The following ZNF516 variants were observed in gnomAD, a reference collection of about 807,000 sequenced individuals.
ZNF516 encodes the protein zinc finger protein 516.
Under a neutral mutation model 79.7 loss-of-function variants are expected in ZNF516, and 19 were observed. The ratio of observed to expected loss-of-function variants is 0.24; its 90% CI spans 0.17 to 0.35. The LOEUF (loss-of-function observed/expected upper bound fraction) is 0.35, where lower values mean the gene tolerates loss of function less well. Ranked by LOEUF, ZNF516 falls within the 10% of genes least tolerant of loss-of-function variation. The probability of loss-of-function intolerance (pLI) is 1.00; values close to 1 mark genes in which losing one functional copy is unlikely to be tolerated. For missense variants in ZNF516, 1,678 were observed against 1,679.5 expected, an observed-to-expected ratio of 1.00 and a Z score of 0.02; for synonymous variants, 877 against 739.5, an observed-to-expected ratio of 1.19 and a Z score of -3.02.
rs1362820011 is a variant in ZNF516 at position 76,441,353 on chromosome 18, G to A, written c.1702C>T (p.Pro568Ser). The A allele has an allele frequency of 1.2e-6, 2 of 1,611,420 alleles. No individual in the cohort carries two copies. The highest frequency in any genetic ancestry group is 1.7e-6 in the Non-Finnish European group (2 of 1,179,424). ...GCACAGGCGGAGCCAGGGCTGCTGG[G>A]CTGGGAGGCCGAGTCACCCTCACTG... is the stretch of plus-strand genomic sequence containing the variant. ...SLSEGDSASQPSSPGSACAAA... is the reference protein window; with the variant it reads ...SLSEGDSASQSSSPGSACAAA... Residue 568 changes from proline to serine, a missense_variant, in exon 3 of 7, where the codon CCC becomes TCC. Physicochemically the swap from Pro to Ser is moderately conservative, Grantham distance 74. Transcript: ENST00000443185.
intron 1 of ZNF516, among the ~76,000 whole-genome samples, chr18:76,488,661 TA>T (rs1914979136): frequency 6.6e-6 from 1 of 152,204 alleles, no homozygotes; most frequent in Non-Finnish European, 1.5e-5. Context: ...GAAGAAGAAA[TA>T]TGACTTCCAA....
intron 4 of ZNF516, among the ~76,000 whole-genome samples, chr18:76,376,836 C>T (rs1359795895): frequency 2.0e-5 from 3 of 152,044 alleles, no homozygotes; most frequent in African/African-American, 7.3e-5. Flanking sequence ...ATCAAGTGGG[C>T]GTCAAACTCC....
At chr18:76,450,123 GAGAA>G (rs896364207) in intron 2 of ZNF516, among the ~76,000 whole-genome samples, 1 of 131,824 alleles carries the variant, frequency 7.6e-6, no homozygotes, top group Admixed American at 8.8e-5. Flanking sequence ...TTTTACCAAA[GAGAA>G]AGAGAGAGAC....
intron 3 of ZNF516, among the ~76,000 whole-genome samples, chr18:76,432,997 C>T (rs2075682407): frequency 6.6e-6 from 1 of 152,294 alleles, no homozygotes; most frequent in South Asian, 2.1e-4. Context: ...ACACCAAAAG[C>T]GAGACCTGGC....
rs374045343 is a variant in ZNF516 at position 76,441,697 on chromosome 18, C to T, written c.1358G>A (p.Arg453Lys). ...CTGGCTCACCAGGACGTACTCGCGCCTGTCCTTGTCGAAGGCCACGTCCCC... is the reference window on the plus strand; with the variant it reads ...CTGGCTCACCAGGACGTACTCGCGCTTGTCCTTGTCGAAGGCCACGTCCCC... ...LAGDVAFDKD[R>K]REYVLVSQEK... is the part of the protein sequence containing the mutation. The change falls in exon 3 of 7, where the codon AGG (arginine) becomes AAG (lysine). Residue 453 changes from arginine (R) to lysine (K), a missense_variant. By Grantham distance (26) the Arg-to-Lys change is conservative. This residue lies in a region of ZNF516 where 1,294 missense variants were observed against 1,248.3 expected (regional missense o/e 1.04). Transcript: ENST00000443185. The T allele has an allele frequency of 2.7e-4, 427 of 1,568,860 alleles. 2 individuals carry two copies. The Middle Eastern group carries it at 3.2e-3, about 12-fold the overall frequency.
intron 3 of ZNF516, among the ~76,000 whole-genome samples, chr18:76,414,040 A>T (rs2075403744): frequency 6.6e-6 from 1 of 152,360 alleles, no homozygotes; most frequent in East Asian, 1.9e-4. Flanking sequence ...TTCTTAGGCC[A>T]TCAAAACATT....
At position 76,379,831 on chromosome 18, in the gene ZNF516, C is replaced by T. The variant is rs1251873664; in HGVS notation, c.2283G>A (p.Pro761=). ...AGGTCTTGTGGCTGCAGTAAGGACA[C>T]GGGTGAACGACTAAAGCCGCCTGCA... is the stretch of plus-strand genomic sequence containing the variant. ...SSLQAALVVH[P]CPYCSHKTYY... is the part of the protein sequence containing the mutation. The change falls in exon 4 of 7, where the codon CCG becomes CCA. Residue 761 remains proline, a synonymous_variant. Transcript: ENST00000443185. The T allele has an allele frequency of 8.1e-6, 13 of 1,613,730 alleles. No individual in the cohort carries two copies. Among genetic ancestry groups the T allele is most frequent in the Admixed American group, 3.3e-5 (2 of 59,980 alleles).
At chr18:76,469,325 A>AT (rs1224072591) in intron 1 of ZNF516, among the ~76,000 whole-genome samples, 2 of 152,250 alleles carry the variant, frequency 1.3e-5, no homozygotes, top group African/African-American at 4.8e-5. Context: ...AGCCACACTC[A>AT]TTATATCTTT....
intron 3 of ZNF516, among the ~76,000 whole-genome samples, chr18:76,437,731 T>C (rs920117596): frequency 6.6e-6 from 1 of 152,182 alleles, no homozygotes; most frequent in African/African-American, 2.4e-5. Flanking sequence ...AATAATGCAA[T>C]GTAAATGCTC....
chr18:76,496,214 C>G, upstream of ZNF516: 3 of 1,221,560 alleles, frequency 2.5e-6, no homozygotes, highest in South Asian at 1.4e-5. Context: ...CGCCCCTTCA[C>G]GGCCGGTGAC....
chr18:76,401,441 G>A (rs1466346156), intron 3 of ZNF516, among the ~76,000 whole-genome samples: 1 of 152,120 alleles, frequency 6.6e-6, no homozygotes, highest in African/African-American at 2.4e-5. Flanking sequence ...GACCAAGCTG[G>A]AGCCCTGGAT....
intron 3 of ZNF516, chr18:76,386,444 G>C (rs1264263489): frequency 1.3e-5 from 2 of 152,308 alleles, no homozygotes; most frequent in African/African-American, 4.8e-5. Flanking sequence ...CAAGGAAGGG[G>C]GATGGGAGGT....
chr18:76,397,492 C>T (rs1019705273), intron 3 of ZNF516, among the ~76,000 whole-genome samples: 1 of 81,272 alleles, frequency 1.2e-5, no homozygotes, highest in Non-Finnish European at 2.5e-5. Context: ...TTCTGGATGA[C>T]TGAGTACACG....
At chr18:76,475,660 C>A (rs917082293) in intron 1 of ZNF516, among the ~76,000 whole-genome samples, 1 of 152,188 alleles carries the variant, frequency 6.6e-6, no homozygotes, top group Non-Finnish European at 1.5e-5. Context: ...CTCCTGCTGG[C>A]TGCTCACAGA....
intron 6 of ZNF516, among the ~76,000 whole-genome samples, chr18:76,365,069 CA>C (rs1436803847): frequency 2.6e-5 from 4 of 152,176 alleles, no homozygotes; most frequent in Non-Finnish European, 4.4e-5. Context: ...TGCATATATT[CA>C]AATGTACCAA....
Position 76,427,212 on chromosome 18 carries a change from G to A in ZNF516, c.1810+14033C>T, listed in dbSNP as rs142542836. 5.5e-3 allele frequency among the ~76,000 whole-genome samples: 840 copies of A among 152,248 alleles called. 15 individuals carry two copies. Among genetic ancestry groups the A allele is most frequent in the African/African-American group, 0.018 (742 of 41,538 alleles). ...ATATATTATTGGTTTCAACACTTAC[G>A]ACTGGAACCATCTTGAGAAAGTTTA... On this transcript the variant is annotated intron_variant, in intron 3 of 6. Coordinates refer to ENST00000443185, the MANE Select transcript of ZNF516 (RefSeq NM_014643.4).
intron 4 of ZNF516, 34 bp from the exon 5 acceptor site, chr18:76,371,605 G>T: frequency 6.3e-7 from 1 of 1,580,780 alleles, no homozygotes. Flanking sequence ...TGGCAGGGCC[G>T]TGGTGGGGTT....
chr18:76,461,023 C>CA (rs1300714768), intron 2 of ZNF516, among the ~76,000 whole-genome samples: 1 of 151,074 alleles, frequency 6.6e-6, no homozygotes, highest in Non-Finnish European at 1.5e-5. Flanking sequence ...ACTAAAACTA[C>CA]AAAAAAAAAT....
intron 3 of ZNF516, chr18:76,388,899 G>A (rs759982868): frequency 7.9e-5 from 12 of 152,398 alleles, no homozygotes; most frequent in Admixed American, 3.3e-4. Context: ...CACACTGGGC[G>A]GCAGGAGCCC....
Sources: allele counts gnomAD v4.1 joint callset (sites outside exome capture counted in the v4.1 genomes callset), GRCh38; gene constraint gnomAD v4.1.1; regional missense constraint gnomAD v4.1.1; transcripts MANE v1.5; gene names NCBI Gene and HGNC (gene_info 2026-07-23, HGNC 2026-07-21).